The following KDM4C variants were observed in gnomAD, a reference collection of about 807,000 sequenced individuals.
KDM4C encodes the protein lysine-specific demethylase 4C.
Under a neutral mutation model 129.3 loss-of-function variants are expected in KDM4C, and 81 were observed. That is an observed-to-expected ratio of 0.63 (90% CI 0.52 to 0.75). KDM4C has a LOEUF of 0.75. KDM4C is among the 30% of genes least tolerant of loss of function. The probability of loss-of-function intolerance (pLI) is 0.00; values close to 1 mark genes in which losing one functional copy is unlikely to be tolerated. For synonymous variants in KDM4C, 573 were observed against 456.1 expected (o/e 1.26, Z -3.26); for missense variants, 1,457 against 1,304.0 (o/e 1.12, Z -1.81).
At chr9:6,778,656 A>T (rs1563984397) in intron 1 of KDM4C, among the ~76,000 whole-genome samples, 1 of 151,862 alleles carries the variant, frequency 6.6e-6, no homozygotes, top group Non-Finnish European at 1.5e-5. Flanking sequence ...AATCCCAGCT[A>T]CTTGGGAGGC....
At chr9:6,905,027 A>G (rs1008545103) in intron 8 of KDM4C, among the ~76,000 whole-genome samples, 1 of 152,256 alleles carries the variant, frequency 6.6e-6, no homozygotes, top group Non-Finnish European at 1.5e-5. Context: ...GATACTATAG[A>G]TTTAAAACAT....
intron 8 of KDM4C, among the ~76,000 whole-genome samples, chr9:6,952,411 G>GTGTATA (rs970706736): frequency 1.2e-4 from 17 of 145,146 alleles, no homozygotes; most frequent in African/African-American, 4.3e-4. Flanking sequence ...GTGTATGTGT[G>GTGTATA]TATATATATA....
intron 19 of KDM4C, among the ~76,000 whole-genome samples, chr9:7,129,239 T>C (rs545092234): frequency 5.9e-5 from 9 of 152,248 alleles, no homozygotes; most frequent in Admixed American, 1.3e-4. Flanking sequence ...CTTTTGAAAT[T>C]GCTAAAGACA....
chr9:7,007,046 G>T (rs818876), intron 12 of KDM4C, among the ~76,000 whole-genome samples: 63,668 of 152,044 alleles, frequency 0.42, 14,025 homozygotes, highest in East Asian at 0.65. Context: ...TCAGTACATT[G>T]ATCCAAGTTA....
intron 15 of KDM4C, among the ~76,000 whole-genome samples, chr9:7,033,584 A>G (rs1165743913): frequency 6.6e-6 from 1 of 152,182 alleles, no homozygotes; most frequent in Non-Finnish European, 1.5e-5. Flanking sequence ...CCTGTTAGGG[A>G]ACTGCTGAGT....
upstream of KDM4C, among the ~76,000 whole-genome samples, chr9:6,756,199 CAAT>C (rs1818265303): frequency 6.6e-6 from 1 of 152,118 alleles, no homozygotes; most frequent in African/African-American, 2.4e-5. Context: ...ACATCTGTAA[CAAT>C]GAGGTATTAA....
At chr9:7,093,941 G>A (rs1836111543) in intron 17 of KDM4C, among the ~76,000 whole-genome samples, 2 of 152,218 alleles carry the variant, frequency 1.3e-5, no homozygotes, top group African/African-American at 4.8e-5. Context: ...TCTGGTTGAA[G>A]AGAGGTAATG....
chr9:6,859,588 G>A (rs1840557659), intron 5 of KDM4C, among the ~76,000 whole-genome samples: 1 of 149,600 alleles, frequency 6.7e-6, no homozygotes, highest in Admixed American at 6.6e-5. Flanking sequence ...GACTGGCTGG[G>A]CGCGGTGGCT....
At chr9:7,130,022 G>A (rs1272941649) in intron 19 of KDM4C, among the ~76,000 whole-genome samples, 1 of 152,188 alleles carries the variant, frequency 6.6e-6, no homozygotes, top group Non-Finnish European at 1.5e-5. Flanking sequence ...TAAAGCAATA[G>A]GAGAAGGGAT....
At chr9:6,829,567 A>C (rs1186595961) in intron 4 of KDM4C, among the ~76,000 whole-genome samples, 2 of 152,208 alleles carry the variant, frequency 1.3e-5, no homozygotes, top group Non-Finnish European at 2.9e-5. Context: ...GGAAGCTCAG[A>C]CTGAATGTTA....
chr9:6,880,384 T>A (rs1844251423), intron 6 of KDM4C, among the ~76,000 whole-genome samples: 1 of 152,246 alleles, frequency 6.6e-6, no homozygotes, highest in Non-Finnish European at 1.5e-5. Context: ...AACGTCATTG[T>A]GCCAATAATT....
At chr9:6,836,801 A>G (rs62533757) in intron 4 of KDM4C, among the ~76,000 whole-genome samples, 11,510 of 152,190 alleles carry the variant, frequency 0.076, 622 homozygotes, top group Non-Finnish European at 0.11. Context: ...TCTTTGCTGT[A>G]TAATATTCTA....
intron 15 of KDM4C, among the ~76,000 whole-genome samples, chr9:7,016,994 G>C (rs1257817116): frequency 6.6e-6 from 1 of 152,050 alleles, no homozygotes; most frequent in East Asian, 1.9e-4. Context: ...GGAGTGCAGT[G>C]GTGCAATCAT....
intron 15 of KDM4C, among the ~76,000 whole-genome samples, chr9:7,027,147 G>T (rs988495846): frequency 6.6e-6 from 1 of 152,044 alleles, no homozygotes; most frequent in African/African-American, 2.4e-5. Flanking sequence ...TGATGCTTAT[G>T]GATGTTCATC....
intron 1 of KDM4C, among the ~76,000 whole-genome samples, chr9:6,786,121 A>C (rs1391546275): frequency 7.0e-6 from 1 of 143,312 alleles, no homozygotes; most frequent in Non-Finnish European, 1.5e-5. Flanking sequence ...CTCCCACAGA[A>C]GTTGTTTAAG....
intron 8 of KDM4C, among the ~76,000 whole-genome samples, chr9:6,946,897 A>G (rs937660758): frequency 2.0e-5 from 3 of 151,734 alleles, no homozygotes; most frequent in Non-Finnish European, 4.4e-5. Flanking sequence ...ATAAATTAAA[A>G]TTTATCTCTA....
At chr9:6,893,304 C>A (rs1368101999) in intron 8 of KDM4C, 72 bp downstream of exon 8, 1 of 1,245,058 alleles carries the variant, frequency 8.0e-7, no homozygotes, top group Non-Finnish European at 1.1e-6. Context: ...ACCCTACGAT[C>A]CTGTGCAGCA....
intron 1 of KDM4C, among the ~76,000 whole-genome samples, chr9:6,762,169 T>A (rs1012944953): frequency 3.3e-5 from 5 of 152,136 alleles, no homozygotes; most frequent in African/African-American, 1.2e-4. Context: ...TACATAGGTA[T>A]ACATGTGCCA....
intron 9 of KDM4C, chr9:6,982,891 A>C (rs1480542987): frequency 6.6e-6 from 1 of 152,240 alleles, no homozygotes; most frequent in Non-Finnish European, 1.5e-5. Context: ...AGAAAGCCTG[A>C]CTATGGGCTT....
Sources: allele counts gnomAD v4.1 joint callset (sites outside exome capture counted in the v4.1 genomes callset), GRCh38; gene constraint gnomAD v4.1.1; transcripts MANE v1.5; gene names NCBI Gene and HGNC (gene_info 2026-07-23, HGNC 2026-07-21).